KALRN: variants seen among roughly 807,000 people sequenced by gnomAD.
KALRN encodes kalirin RhoGEF kinase, also known as kalirin.
Under a neutral mutation model 353.7 loss-of-function variants are expected in KALRN, and 70 were observed. The observed-to-expected ratio is 0.20, with a 90% confidence interval of 0.16 to 0.24. The LOEUF (loss-of-function observed/expected upper bound fraction) is 0.24, where lower values mean the gene tolerates loss of function less well. KALRN is among the 10% of genes least tolerant of loss of function. KALRN has a pLI of 1.00. For missense variants in KALRN, 2,791 were observed against 3,756.7 expected (o/e 0.74, Z 6.72); for synonymous variants, 1,391 against 1,434.8 (o/e 0.97, Z 0.69).
intron 18 of KALRN, 62 bp downstream of exon 18, chr3:124,439,099 CCTCTTT>C (rs536744539): frequency 3.0e-5 from 46 of 1,511,058 alleles, no homozygotes; most frequent in African/African-American, 1.8e-4. Context: ...GTTCTTTCAT[CCTCTTT>C]CTCTTTCTCT....
intron 33 of KALRN, among the ~76,000 whole-genome samples, chr3:124,561,413 G>A (rs2071991745): frequency 1.3e-5 from 2 of 152,154 alleles, no homozygotes. Flanking sequence ...GATGCATATT[G>A]CCAACATCAG....
chr3:124,180,123 T>C (rs1279846532), intron 1 of KALRN, among the ~76,000 whole-genome samples: 1 of 152,188 alleles, frequency 6.6e-6, no homozygotes. Flanking sequence ...GTTCAACCTT[T>C]CTTGGTTTCA....
At chr3:124,655,579 C>T in intron 38 of KALRN, 22 bp from the exon 39 acceptor site, 2 of 1,599,620 alleles carry the variant, frequency 1.3e-6, no homozygotes, top group Admixed American at 1.7e-5. Context: ...GGAACACTCA[C>T]TGTTCTTAAT....
chr3:124,399,274 G>A (rs560685150), intron 13 of KALRN, among the ~76,000 whole-genome samples: 6 of 152,250 alleles, frequency 3.9e-5, no homozygotes, highest in African/African-American at 1.4e-4. Flanking sequence ...GAATAGCTGG[G>A]ATTACAGGCA....
chr3:124,050,652 T>C (rs948411373), intron 1 of KALRN, among the ~76,000 whole-genome samples: 1 of 152,166 alleles, frequency 6.6e-6, no homozygotes, highest in African/African-American at 2.4e-5. Flanking sequence ...ACTGAATTTT[T>C]CCCATGTTCC....
intron 1 of KALRN, among the ~76,000 whole-genome samples, chr3:124,210,912 T>A (rs2076844832): frequency 6.6e-6 from 1 of 152,008 alleles, no homozygotes; most frequent in Non-Finnish European, 1.5e-5. Context: ...AAGGGAATAA[T>A]TTTTTTTCCT....
intron 1 of KALRN, among the ~76,000 whole-genome samples, chr3:124,051,227 C>T (rs970913688): frequency 1.3e-5 from 2 of 152,104 alleles, no homozygotes; most frequent in African/African-American, 4.8e-5. Context: ...TCAAGGAGCT[C>T]GTGGTTTTAG....
chr3:124,482,190 A>T (rs2062054259), intron 27 of KALRN, among the ~76,000 whole-genome samples: 1 of 152,030 alleles, frequency 6.6e-6, no homozygotes, highest in South Asian at 2.1e-4. Flanking sequence ...ACTAAAATTG[A>T]CTCCATGGTT....
intron 5 of KALRN, among the ~76,000 whole-genome samples, chr3:124,291,179 A>G (rs2076388822): frequency 6.6e-6 from 1 of 152,208 alleles, no homozygotes; most frequent in African/African-American, 2.4e-5. Context: ...AGGAGCTGCC[A>G]TGGCTTATAA....
At chr3:124,518,413 T>C in intron 33 of KALRN, 1 of 1,614,110 alleles carries the variant, frequency 6.2e-7, no homozygotes, top group Non-Finnish European at 8.5e-7. Context: ...GGCAACCTTG[T>C]TCCTCGGTGG....
chr3:124,062,501 G>T (rs1196316179), intron 1 of KALRN, among the ~76,000 whole-genome samples: 1 of 152,176 alleles, frequency 6.6e-6, no homozygotes, highest in African/African-American at 2.4e-5. Flanking sequence ...TGAAAATGCA[G>T]ATTCCTGGGC....
intron 37 of KALRN, among the ~76,000 whole-genome samples, chr3:124,649,884 G>A (rs1260028760): frequency 6.6e-6 from 1 of 150,624 alleles, no homozygotes; most frequent in Non-Finnish European, 1.5e-5. Flanking sequence ...AACACTTTGG[G>A]AGACTGAAGC....
intron 21 of KALRN, among the ~76,000 whole-genome samples, chr3:124,447,905 CA>C (rs1399668395): frequency 5.3e-5 from 8 of 152,208 alleles, no homozygotes; most frequent in Non-Finnish European, 4.4e-5. Context: ...ATAAGAGACT[CA>C]TTTCAATACC....
At position 124,369,262 on chromosome 3, in the gene KALRN, A is replaced by G. The variant is rs537782265; in HGVS notation, c.1771-15583A>G. On this transcript the variant is annotated intron_variant, in intron 10 of 59. Coordinates refer to ENST00000682506, the MANE Select transcript of KALRN (RefSeq NM_001388419.1). ...TTTTTACCTGTCAATTGACAAAACTATATTGAATCCTTATCTTTCCCTTTT... is the reference window on the plus strand; with the variant it reads ...TTTTTACCTGTCAATTGACAAAACTGTATTGAATCCTTATCTTTCCCTTTT... Among the ~76,000 whole-genome samples, 5 of 152,318 alleles carry G rather than the reference A, an allele frequency of 3.3e-5. No homozygotes were observed. In the South Asian group the frequency reaches 1.0e-3, roughly 32 times the overall value.
intron 28 of KALRN, among the ~76,000 whole-genome samples, chr3:124,484,156 C>G (rs2062291200): frequency 6.6e-6 from 1 of 152,124 alleles, no homozygotes; most frequent in Non-Finnish European, 1.5e-5. Flanking sequence ...AACCTGAAAA[C>G]CAGTCTAATT....
At chr3:124,252,824 A>G (rs1000623158) in intron 3 of KALRN, among the ~76,000 whole-genome samples, 3 of 152,146 alleles carry the variant, frequency 2.0e-5, no homozygotes, top group Admixed American at 6.5e-5. Flanking sequence ...CAGCACAGGG[A>G]GCCCCACCAC....
intron 5 of KALRN, among the ~76,000 whole-genome samples, chr3:124,282,370 T>C (rs2075422326): frequency 6.8e-6 from 1 of 146,182 alleles, no homozygotes; most frequent in Non-Finnish European, 1.5e-5. Context: ...ATTTCTGCCC[T>C]ACATTTTTCT....
At chr3:124,214,871 T>C (rs2077184318) in intron 1 of KALRN, among the ~76,000 whole-genome samples, 1 of 152,152 alleles carries the variant, frequency 6.6e-6, no homozygotes, top group Admixed American at 6.5e-5. Flanking sequence ...GACTCACAGG[T>C]CACTTACTCT....
intron 18 of KALRN, among the ~76,000 whole-genome samples, chr3:124,440,657 G>A (rs1381200455): frequency 6.6e-6 from 1 of 150,642 alleles, no homozygotes; most frequent in African/African-American, 2.4e-5. Context: ...AGGATCAGAG[G>A]GAAAGTATAA....
Sources: gnomAD v4.1 joint callset for allele counts (sites outside exome capture counted in the v4.1 genomes callset) on GRCh38, gnomAD v4.1.1 for gene constraint, MANE v1.5 for transcripts, NCBI Gene and HGNC (gene_info 2026-07-23, HGNC 2026-07-21) for gene names.